The following UIMC1 variants were observed in gnomAD, a reference collection of about 807,000 sequenced individuals.
The protein encoded by UIMC1 is BRCA1-A complex subunit RAP80.
UIMC1 carries 42 observed loss-of-function variants against 84.9 expected under a neutral mutation model. The observed-to-expected ratio is 0.49, with a 90% CI of 0.39 to 0.64. UIMC1 has a LOEUF of 0.64. Ranked by LOEUF, UIMC1 falls within the 30% of genes least tolerant of loss-of-function variation. UIMC1 has a pLI of 0.00. For synonymous variants in UIMC1, 281 were observed against 293.0 expected, an observed-to-expected ratio of 0.96 and a Z score of 0.42; for missense variants, 825 against 847.6, an observed-to-expected ratio of 0.97 and a Z score of 0.33.
At chr5:176,924,006 C>T (rs767117050) in intron 10 of UIMC1, among the ~76,000 whole-genome samples, 6 of 150,854 alleles carry the variant, frequency 4.0e-5, no homozygotes, top group Non-Finnish European at 5.9e-5. Flanking sequence ...TATATGAAAC[C>T]GTGAAAGACT....
chr5:176,950,906 G>A (rs1007124512), intron 9 of UIMC1, among the ~76,000 whole-genome samples: 3 of 151,756 alleles, frequency 2.0e-5, no homozygotes, highest in Non-Finnish European at 4.4e-5. Flanking sequence ...TATACACACC[G>A]AGAATCTTAA....
intron 1 of UIMC1, among the ~76,000 whole-genome samples, chr5:176,985,542 C>T (rs1771850228): frequency 6.6e-6 from 1 of 151,628 alleles, no homozygotes; most frequent in East Asian, 1.9e-4. Context: ...GTCATGTATC[C>T]TAGTTCTTTA....
At chr5:176,916,786 G>T (rs1467308086) in intron 10 of UIMC1, among the ~76,000 whole-genome samples, 1 of 152,220 alleles carries the variant, frequency 6.6e-6, no homozygotes, top group Non-Finnish European at 1.5e-5. Flanking sequence ...ATTTGGGTTA[G>T]ATCTTAGTCT....
At chr5:176,910,828 C>T (rs1405906223) in intron 11 of UIMC1, among the ~76,000 whole-genome samples, 1 of 152,126 alleles carries the variant, frequency 6.6e-6, no homozygotes, top group East Asian at 1.9e-4. Context: ...CAGTGGCTCA[C>T]GCCTGTAATC....
chr5:176,965,992 A>C (rs554111282), intron 6 of UIMC1, among the ~76,000 whole-genome samples: 1 of 152,366 alleles, frequency 6.6e-6, no homozygotes, highest in South Asian at 2.1e-4. Flanking sequence ...AGCATCATGT[A>C]ACTTTCCTTT....
In UIMC1 at chr5:176,928,627, G is replaced by A. The variant is rs574571325; in HGVS notation, c.1597+14708C>T. Among the ~76,000 whole-genome samples the A allele has an allele frequency of 2.6e-5, 4 of 152,268 alleles. No homozygotes were observed. In the East Asian group the frequency reaches 7.7e-4, roughly 29 times the overall value. On this transcript the variant is annotated intron_variant, in intron 10 of 14. Coordinates refer to ENST00000511320, the MANE Select transcript of UIMC1 (RefSeq NM_001199298.2). ...CAAAAAAACAATTATTGGACTCAAC[G>A]AGAGTTGAACAAACCAGATATTTGG...
chr5:177,014,113 T>G (rs1456593120), intron 1 of UIMC1, among the ~76,000 whole-genome samples: 1 of 143,426 alleles, frequency 7.0e-6, no homozygotes, highest in East Asian at 2.1e-4. Context: ...CAAGTTAGAG[T>G]GCAATCTCAG....
rs766232838 is a variant in UIMC1 at position 176,958,151 on chromosome 5, A to C, written c.1204T>G (p.Ser402Ala). ...EEPTTSHGQS[S>A]QGIVEETSEE... Reference sequence around the variant, plus strand: ...GAAGTTTCTTCAACAATCCCTTGGGAAGACTGCAAAGAAATACGTAGTATC... The same window carrying C: ...GAAGTTTCTTCAACAATCCCTTGGGCAGACTGCAAAGAAATACGTAGTATC... The change falls in exon 7 of 15, where the codon TCC (serine) becomes GCC (alanine). Residue 402 changes from serine (S) to alanine (A), a missense_variant. Transcript: ENST00000511320. 6.2e-7 allele frequency: 1 copy of C among 1,613,456 alleles called. No individual in the cohort carries two copies. The highest frequency in any genetic ancestry group is 1.1e-5 in the South Asian group (1 of 90,998).
At chr5:176,959,193 C>T (rs1766991053) in intron 6 of UIMC1, among the ~76,000 whole-genome samples, 1 of 152,218 alleles carries the variant, frequency 6.6e-6, no homozygotes, top group Non-Finnish European at 1.5e-5. Context: ...GCAATAAATA[C>T]TTAACCTGTC....
intron 1 of UIMC1, among the ~76,000 whole-genome samples, chr5:177,005,009 T>G (rs1388909329): frequency 6.6e-6 from 1 of 151,808 alleles, no homozygotes; most frequent in East Asian, 1.9e-4. Context: ...TCCTCCTACC[T>G]CAGTTTCCCG....
At chr5:177,003,393 G>A (rs1306669336) in intron 1 of UIMC1, among the ~76,000 whole-genome samples, 4 of 152,170 alleles carry the variant, frequency 2.6e-5, no homozygotes, top group East Asian at 3.8e-4. Context: ...GGTGGTTCAC[G>A]CCTGTAATCC....
chr5:176,980,996 T>C (rs934047262), intron 2 of UIMC1, among the ~76,000 whole-genome samples: 3 of 152,150 alleles, frequency 2.0e-5, no homozygotes, highest in African/African-American at 4.8e-5. Flanking sequence ...CTGTCTAAGC[T>C]TCCCGAAGCA....
Position 176,969,304 on chromosome 5 carries a change from G to T in UIMC1, c.464-13C>A. The T allele has an allele frequency of 1.3e-6, 2 of 1,587,862 alleles. No homozygotes were observed. Among genetic ancestry groups the T allele is most frequent in the South Asian group, 2.3e-5 (2 of 86,868 alleles). ...AGCTGCCATATGCCTGTAGGTATTT[G>T]AGAAAAAGTAGGGCTAAGGACAAAC... On this transcript the variant is annotated splice_polypyrimidine_tract_variant and intron_variant, in intron 5 of 14. Coordinates refer to ENST00000511320, the MANE Select transcript of UIMC1 (RefSeq NM_001199298.2).
At chr5:176,959,687 G>A (rs1767075653) in intron 6 of UIMC1, among the ~76,000 whole-genome samples, 1 of 139,908 alleles carries the variant, frequency 7.1e-6, no homozygotes, top group Non-Finnish European at 1.5e-5. Flanking sequence ...CTGCACTCCA[G>A]CCTGGGCGAC....
intron 10 of UIMC1, among the ~76,000 whole-genome samples, chr5:176,923,920 C>G (rs1762054837): frequency 6.7e-6 from 1 of 149,934 alleles, no homozygotes; most frequent in South Asian, 2.1e-4. Flanking sequence ...CACACACACA[C>G]ACACACAGAC....
chr5:176,919,446 A>G (rs533121505), intron 10 of UIMC1, among the ~76,000 whole-genome samples: 6 of 152,184 alleles, frequency 3.9e-5, no homozygotes, highest in Non-Finnish European at 8.8e-5. Flanking sequence ...TTGTGGTATT[A>G]TATCTAGGAA....
In UIMC1 at chr5:176,955,990, C is replaced by T. The variant is rs771871630; in HGVS notation, c.1308G>A (p.Glu436=). 8 of 1,613,530 alleles carry T rather than the reference C, an allele frequency of 5.0e-6. No homozygotes were observed. The highest frequency in any genetic ancestry group is 3.3e-4 in the Middle Eastern group (2 of 6,082). Residue 436 remains glutamate, a synonymous_variant, in exon 8 of 15, where the codon GAG becomes GAA. Coordinates refer to ENST00000511320, the MANE Select transcript of UIMC1 (RefSeq NM_001199298.2). ...TSKRSLVLMP[E]SSAEEITVCP... is the part of the protein sequence containing the mutation. ...AAACAGTGATTTCTTCTGCAGAACT[C>T]TCTGGCATAAGGACTAAGCTTCTCT...
chr5:176,972,783 C>A (rs901761155), intron 3 of UIMC1, among the ~76,000 whole-genome samples: 2 of 152,094 alleles, frequency 1.3e-5, no homozygotes, highest in East Asian at 3.9e-4. Flanking sequence ...CTCTTAACTG[C>A]TCAAGAACAA....
Position 176,992,432 on chromosome 5 carries a change from C to T in UIMC1, c.-8-9809G>A, listed in dbSNP as rs148733575. Among the ~76,000 whole-genome samples the T allele has an allele frequency of 9.0e-3, 1,352 of 150,368 alleles. 7 individuals carry two copies. Among genetic ancestry groups the T allele is most frequent in the South Asian group, 0.024 (116 of 4,766 alleles). ...TAGAACTCAAGCGTTCAAGACGAGC[C>T]TCAGCAACATAGTGAGACCCTGTCT... is the stretch of plus-strand genomic sequence containing the variant. On this transcript the variant is annotated intron_variant, in intron 1 of 14. Transcript: ENST00000511320.
Sources: allele counts gnomAD v4.1 joint callset (sites outside exome capture counted in the v4.1 genomes callset), GRCh38; gene constraint gnomAD v4.1.1; transcripts MANE v1.5; gene names NCBI Gene and HGNC (gene_info 2026-07-23, HGNC 2026-07-21).